ZNF334: variants seen among roughly 807,000 people sequenced by gnomAD.
The protein encoded by ZNF334 is zinc finger protein 334.
Under a neutral mutation model 12.4 loss-of-function variants are expected in ZNF334, and 14 were observed. The observed-to-expected ratio is 1.13, with a 90% CI of 0.74 to 1.76. The LOEUF is 1.76. ZNF334 is among the 40% of genes most tolerant of loss of function. ZNF334 has a pLI of 0.00. For synonymous variants in ZNF334, 273 were observed against 269.6 expected (o/e 1.01, Z -0.12); for missense variants, 797 against 804.5 (o/e 0.99, Z 0.11).
chr20:46,490,115 T>A, the ZNF334 span, among the ~76,000 whole-genome samples: 1 of 152,144 alleles, frequency 6.6e-6, no homozygotes, highest in Non-Finnish European at 1.5e-5. Flanking sequence ...AAAATAATGG[T>A]GTGTTCATGC....
the ZNF334 span, among the ~76,000 whole-genome samples, chr20:46,481,944 G>A: frequency 6.6e-6 from 1 of 152,098 alleles, no homozygotes; most frequent in South Asian, 2.1e-4. Context: ...TCATTAAGTT[G>A]AGGATCTTCA....
chr20:46,465,812 G>A, the ZNF334 span, among the ~76,000 whole-genome samples: 18 of 152,174 alleles, frequency 1.2e-4, no homozygotes, highest in South Asian at 1.0e-3. Context: ...GAAATTAGCC[G>A]GGCGTGGTGG....
the ZNF334 span, chr20:46,481,275 T>C: frequency 1.3e-5 from 2 of 152,218 alleles, no homozygotes; most frequent in Non-Finnish European, 2.9e-5. Flanking sequence ...ATTCTGGTGA[T>C]GAGGTGACAG....
Position 46,501,749 on chromosome 20 carries a change from T to C in ZNF334, c.1590A>G (p.Ser530=). ...TAGTTCTCTGATGTACAATGAGGTG[T>C]GAGTTTTTGCTGACGGCATGCCCAT... ...SEHGHAVSKN[S]HLIVHQRTIW... The change falls in exon 5 of 5, where the codon TCA becomes TCG. Residue 530 remains serine, a synonymous_variant. Transcript: ENST00000692313. 1.2e-6 allele frequency: 2 copies of C among 1,614,160 alleles called. No individual in the cohort carries two copies. Among genetic ancestry groups the C allele is most frequent in the Non-Finnish European group, 1.7e-6 (2 of 1,180,010 alleles).
chr20:46,472,900 A>C, the ZNF334 span, among the ~76,000 whole-genome samples: 1 of 152,194 alleles, frequency 6.6e-6, no homozygotes, highest in Non-Finnish European at 1.5e-5. Context: ...TCAAATTCTT[A>C]ATATATTTGG....
At chr20:46,467,146 C>T in the ZNF334 span, among the ~76,000 whole-genome samples, 1 of 151,932 alleles carries the variant, frequency 6.6e-6, no homozygotes, top group Non-Finnish European at 1.5e-5. Flanking sequence ...ATGTTAGGTA[C>T]CCATTAAAAA....
the ZNF334 span, among the ~76,000 whole-genome samples, chr20:46,485,278 T>C: frequency 6.6e-6 from 1 of 152,174 alleles, no homozygotes; most frequent in Non-Finnish European, 1.5e-5. Context: ...TTGTTATAAT[T>C]CTAGTCTTAG....
At chr20:46,497,605 C>T (rs893987144), downstream of ZNF334, among the ~76,000 whole-genome samples, 6 of 152,152 alleles carry the variant, frequency 3.9e-5, no homozygotes, top group Non-Finnish European at 7.3e-5. Context: ...GATATTAAGG[C>T]ATTATATAAA....
the ZNF334 span, among the ~76,000 whole-genome samples, chr20:46,483,337 T>C: frequency 6.6e-6 from 1 of 152,166 alleles, no homozygotes; most frequent in Non-Finnish European, 1.5e-5. Flanking sequence ...GAGTTCCTTG[T>C]TGGTTATACA....
At chr20:46,470,776 T>C in the ZNF334 span, among the ~76,000 whole-genome samples, 1 of 152,258 alleles carries the variant, frequency 6.6e-6, no homozygotes, top group Admixed American at 6.5e-5. Flanking sequence ...CATTTGTTCA[T>C]GCTATCATGT....
At chr20:46,464,085 G>A in the ZNF334 span, 1 of 615,854 alleles carries the variant, frequency 1.6e-6, no homozygotes, top group East Asian at 3.9e-5. Flanking sequence ...GCTCCGAGAA[G>A]TGGTTCCTTC....
In ZNF334 at chr20:46,509,660, T is replaced by G. The variant is rs11905886; in HGVS notation, c.21+2422A>C. 2,789 of 703,012 alleles carry G rather than the reference T, an allele frequency of 4.0e-3. 53 individuals are homozygous for G. The African/African-American group carries it at 0.042, about 11-fold the overall frequency. 43.5% of individuals were successfully genotyped at this position (703,012 alleles called of 1,614,324 possible). A position where few individuals can be genotyped will look rare whatever the true frequency, so the allele number is the denominator to read the frequency against. On this transcript the variant is annotated intron_variant, in intron 2 of 4. Coordinates refer to ENST00000692313, the MANE Select transcript of ZNF334 (RefSeq NM_001353824.2). ...AAGGTTCACCCACGGTGAGTTAACT[T>G]GCGCACACTTCCAGGTTGCATCATC... is the stretch of plus-strand genomic sequence containing the variant.
the ZNF334 span, chr20:46,464,381 T>C: frequency 2.0e-6 from 1 of 502,500 alleles, no homozygotes; most frequent in South Asian, 1.6e-5. Flanking sequence ...CTTCCACTTG[T>C]GAATATACTT....
rs568700193 is a variant in ZNF334 at position 46,512,144 on chromosome 20, G to A, written c.-38-4C>T. 2 of 1,612,312 alleles carry A rather than the reference G, an allele frequency of 1.2e-6. No homozygotes were observed. The highest frequency in any genetic ancestry group is 1.7e-6 in the Non-Finnish European group (2 of 1,178,722). On this transcript the variant is annotated splice_polypyrimidine_tract_variant and splice_region_variant and intron_variant, in intron 1 of 4. Coordinates refer to ENST00000692313, the MANE Select transcript of ZNF334 (RefSeq NM_001353824.2). ...GCCAAGAGTGTTGAAAGCAGAGCTG[G>A]GTAAGGAAGAATGGCGAATGGAATC... is the stretch of plus-strand genomic sequence containing the variant.
the ZNF334 span, chr20:46,492,030 C>G: frequency 6.6e-6 from 1 of 152,506 alleles, no homozygotes; most frequent in Non-Finnish European, 1.5e-5. Context: ...AGCTTAAACT[C>G]AAAGCTTTCT....
the ZNF334 span, among the ~76,000 whole-genome samples, chr20:46,493,366 T>G: frequency 6.6e-6 from 1 of 152,186 alleles, no homozygotes; most frequent in Non-Finnish European, 1.5e-5. Flanking sequence ...TTTGGAGAAC[T>G]TTTGCTAGTA....
chr20:46,473,144 T>C, the ZNF334 span, among the ~76,000 whole-genome samples: 2 of 152,264 alleles, frequency 1.3e-5, no homozygotes, highest in Non-Finnish European at 2.9e-5. Flanking sequence ...CTCTCTTTTA[T>C]AACATTTTAA....
the ZNF334 span, among the ~76,000 whole-genome samples, chr20:46,489,497 G>A: frequency 6.6e-6 from 1 of 151,662 alleles, no homozygotes; most frequent in Non-Finnish European, 1.5e-5. Context: ...AGTGAAACCC[G>A]TCTCTACTAA....
In ZNF334 at chr20:46,501,728, T is replaced by A. The variant is rs1188077763; in HGVS notation, c.1611A>T (p.Arg537Ser). 2 of 1,614,156 alleles carry A rather than the reference T, an allele frequency of 1.2e-6. No homozygotes were observed. Among genetic ancestry groups the A allele is most frequent in the East Asian group, 4.5e-5 (2 of 44,868 alleles). The change falls in exon 5 of 5, where the codon AGA (arginine) becomes AGT (serine). Residue 537 changes from arginine to serine, a missense_variant. Arg to Ser is a moderately radical substitution (Grantham distance 110). Transcript: ENST00000692313. ...ATTCATATGGTCTCTCCCATATAGT[T>A]CTCTGATGTACAATGAGGTGTGAGT... is the stretch of plus-strand genomic sequence containing the variant. ...SKNSHLIVHQ[R>S]TIWERPYECN...
Sources: gnomAD v4.1 joint callset for allele counts (sites outside exome capture counted in the v4.1 genomes callset) on GRCh38, gnomAD v4.1.1 for gene constraint, MANE v1.5 for transcripts, NCBI Gene and HGNC (gene_info 2026-07-23, HGNC 2026-07-21) for gene names.